The following ALLC variants were observed in gnomAD, a reference collection of about 807,000 sequenced individuals.
ALLC encodes probable inactive allantoicase.
Under a neutral mutation model 45.0 loss-of-function variants are expected in ALLC, and 40 were observed. The observed-to-expected ratio is 0.89, with a 90% CI of 0.69 to 1.16. ALLC has a LOEUF of 1.16. Ranked by LOEUF, ALLC falls within the 50% of genes most tolerant of loss-of-function variation. ALLC has a pLI of 0.00. For missense variants in ALLC, 488 were observed against 493.1 expected (o/e 0.99, Z 0.10); for synonymous variants, 176 against 178.1 (o/e 0.99, Z 0.09).
At chr2:3,685,080 G>C (rs1273803961) in intron 7 of ALLC, among the ~76,000 whole-genome samples, 2 of 152,186 alleles carry the variant, frequency 1.3e-5, no homozygotes, top group Non-Finnish European at 2.9e-5. Context: ...TATATACACA[G>C]TAGTGAGATT....
intron 7 of ALLC, 124 bp downstream of exon 7, chr2:3,683,198 T>G: frequency 9.0e-7 from 1 of 1,112,532 alleles, no homozygotes; most frequent in Non-Finnish European, 1.3e-6. Context: ...ATTTCAGGAT[T>G]GTAATTTCTC....
At chr2:3,668,622 CTG>C (rs999967276) in intron 1 of ALLC, among the ~76,000 whole-genome samples, 8 of 126,948 alleles carry the variant, frequency 6.3e-5, no homozygotes, top group African/African-American at 1.5e-4. Context: ...GTCACCCAGA[CTG>C]GAGTGCAGTG....
intron 8 of ALLC, 89 bp from the exon 9 acceptor site, chr2:3,696,186 C>A: frequency 1.9e-6 from 2 of 1,037,104 alleles, no homozygotes; most frequent in South Asian, 1.5e-5. Context: ...TGCTCAGATG[C>A]ATAAGATCTG....
upstream of ALLC, among the ~76,000 whole-genome samples, chr2:3,656,966 G>A (rs562745366): frequency 2.6e-5 from 4 of 152,208 alleles, no homozygotes; most frequent in African/African-American, 9.6e-5. Flanking sequence ...TGACTGATCC[G>A]AGGCGGCGAG....
At chr2:3,661,289 A>C (rs1490397116) in intron 1 of ALLC, among the ~76,000 whole-genome samples, 1 of 146,206 alleles carries the variant, frequency 6.8e-6, no homozygotes, top group African/African-American at 2.6e-5. Flanking sequence ...CTCATGGTAC[A>C]CACATGTTTT....
chr2:3,696,012 G>A, intron 8 of ALLC, 140 bp downstream of exon 8: 1 of 1,033,064 alleles, frequency 9.7e-7, no homozygotes. Context: ...CCATGTGTAG[G>A]ATTTGATGCC....
chr2:3,683,642 A>G (rs569234575), intron 7 of ALLC, among the ~76,000 whole-genome samples: 2 of 152,346 alleles, frequency 1.3e-5, no homozygotes, highest in African/African-American at 4.8e-5. Context: ...TAGGAATTAT[A>G]TAATATTGGT....
chr2:3,679,934 T>C lies in ALLC; in HGVS notation c.238T>C (p.Ser80Pro). Residue 80 changes from serine to proline, a missense_variant, in exon 5 of 12, where the codon TCT (serine) becomes CCT (proline). Physicochemically the swap from Ser to Pro is moderately conservative, Grantham distance 74. Transcript: ENST00000252505. ...GVIRGFDVDV[S>P]YFTGDYAPRV... ...CATCCGGGGCTTCGACGTGGACGTT[T>C]CTTACTTCACGGGAGATTACGCTCC... The C allele has an allele frequency of 6.2e-7, 1 of 1,613,978 alleles. No individual in the cohort carries two copies. Among genetic ancestry groups the C allele is most frequent in the Non-Finnish European group, 8.5e-7 (1 of 1,179,886 alleles).
intron 2 of ALLC, among the ~76,000 whole-genome samples, chr2:3,672,809 C>T (rs942001584): frequency 1.3e-5 from 2 of 152,256 alleles, no homozygotes; most frequent in Non-Finnish European, 2.9e-5. Flanking sequence ...CTGTGGTCCT[C>T]TGGCTCTAGT....
the ALLC span, among the ~76,000 whole-genome samples, chr2:3,648,024 G>A: frequency 2.6e-5 from 4 of 152,280 alleles, no homozygotes; most frequent in Middle Eastern, 3.4e-3. Context: ...GCTGATGATG[G>A]TGCAGTGGGC....
rs746535229 is a variant in ALLC at position 3,702,478 on chromosome 2, G to A, written c.1091G>A (p.Arg364Gln). The change falls in exon 12 of 12, where the codon CGG becomes CAG. Residue 364 changes from arginine to glutamine, a missense_variant. Coordinates refer to ENST00000252505, the MANE Select transcript of ALLC (RefSeq NM_018436.4). ...GGGGGAGTGAGCCGCCTTCGGCTCCGGGGCTTCCCCAGCTCCATCTGCCTC... is the reference window on the plus strand; with the variant it reads ...GGGGGAGTGAGCCGCCTTCGGCTCCAGGGCTTCCCCAGCTCCATCTGCCTC... ...PDGGVSRLRL[R>Q]GFPSSICLLR... 6.2e-6 allele frequency: 10 copies of A among 1,612,068 alleles called. No homozygotes were observed. The East Asian group carries it at 1.3e-4, about 22-fold the overall frequency.
At chr2:3,674,954 G>A (rs567653609) in intron 3 of ALLC, among the ~76,000 whole-genome samples, 1 of 152,272 alleles carries the variant, frequency 6.6e-6, no homozygotes, top group East Asian at 1.9e-4. Flanking sequence ...GATTTACATC[G>A]TTTGCACAAG....
chr2:3,666,420 A>G (rs1288562764), intron 1 of ALLC, among the ~76,000 whole-genome samples: 1 of 152,218 alleles, frequency 6.6e-6, no homozygotes, highest in Non-Finnish European at 1.5e-5. Flanking sequence ...AGCAGAGGAC[A>G]ATGATGAAGG....
the ALLC span, among the ~76,000 whole-genome samples, chr2:3,651,168 C>T: frequency 1.3e-5 from 2 of 151,788 alleles, no homozygotes; most frequent in Non-Finnish European, 2.9e-5. Context: ...GCGGTGGCGG[C>T]GGATCCGTGG....
intron 1 of ALLC, among the ~76,000 whole-genome samples, chr2:3,658,845 C>G (rs1260373779): frequency 6.8e-6 from 1 of 146,884 alleles, no homozygotes; most frequent in African/African-American, 2.6e-5. Flanking sequence ...CCACTGTACT[C>G]CAGCCTGGAT....
the ALLC span, among the ~76,000 whole-genome samples, chr2:3,649,156 C>A: frequency 6.6e-6 from 1 of 151,938 alleles, no homozygotes; most frequent in Admixed American, 6.6e-5. Flanking sequence ...CCACAATGGG[C>A]GCGTTAATGA....
intron 4 of ALLC, among the ~76,000 whole-genome samples, 180 bp downstream of exon 4, chr2:3,678,735 C>T (rs1020577113): frequency 2.0e-5 from 3 of 152,146 alleles, no homozygotes; most frequent in South Asian, 2.1e-4. Context: ...AGCGTGAGCC[C>T]GGGTCACTGA....
At chr2:3,646,498 A>G in the ALLC span, among the ~76,000 whole-genome samples, 1 of 152,330 alleles carries the variant, frequency 6.6e-6, no homozygotes, top group Admixed American at 6.5e-5. Context: ...GACATAGCAA[A>G]CAAGTTTATT....
chr2:3,649,796 C>T, the ALLC span, among the ~76,000 whole-genome samples: 1 of 152,210 alleles, frequency 6.6e-6, no homozygotes, highest in East Asian at 1.9e-4. Flanking sequence ...CACGTGTGGA[C>T]GCGGGAGGAA....
Sources: gnomAD v4.1 joint callset for allele counts (sites outside exome capture counted in the v4.1 genomes callset) on GRCh38, gnomAD v4.1.1 for gene constraint, MANE v1.5 for transcripts, NCBI Gene and HGNC (gene_info 2026-07-23, HGNC 2026-07-21) for gene names.